Variants in MAF observed in about 807,000 individuals in gnomAD.
The protein encoded by MAF is transcription factor Maf.
MAF carries 10 observed loss-of-function variants against 22.0 expected under a neutral mutation model. The ratio of observed to expected loss-of-function variants is 0.45; its 90% CI spans 0.28 to 0.77. The LOEUF (loss-of-function observed/expected upper bound fraction) is 0.77. MAF is among the 30% of genes least tolerant of loss of function. MAF has a pLI of 0.12. For synonymous variants in MAF, 337 were observed against 255.8 expected (o/e 1.32, Z -3.03); for missense variants, 544 against 548.4 (o/e 0.99, Z 0.08).
chr16:79,267,584 G>A, the MAF span, among the ~76,000 whole-genome samples: 26 of 152,264 alleles, frequency 1.7e-4, no homozygotes, highest in African/African-American at 4.3e-4. Flanking sequence ...AGCTGGTGGC[G>A]GACAGTGCAG....
the MAF span, among the ~76,000 whole-genome samples, chr16:79,242,315 C>G: frequency 6.7e-6 from 1 of 148,276 alleles, no homozygotes; most frequent in Non-Finnish European, 1.5e-5. Context: ...CAAAGACACA[C>G]ATACGCTCAA....
At chr16:79,516,682 A>G in the MAF span, among the ~76,000 whole-genome samples, 1 of 152,180 alleles carries the variant, frequency 6.6e-6, no homozygotes. Context: ...CAATTTTATT[A>G]TTACCATTTG....
the MAF span, among the ~76,000 whole-genome samples, chr16:79,217,306 T>A: frequency 6.6e-6 from 1 of 152,186 alleles, no homozygotes; most frequent in South Asian, 2.1e-4. Flanking sequence ...CCATGGGCCT[T>A]CCACTACACA....
the MAF span, among the ~76,000 whole-genome samples, chr16:79,409,313 G>A: frequency 3.9e-3 from 597 of 152,238 alleles, 6 homozygotes; most frequent in African/African-American, 0.014. Flanking sequence ...AGGAAGTCGC[G>A]CTGTTTTCTT....
the MAF span, among the ~76,000 whole-genome samples, chr16:79,361,810 C>T: frequency 1.3e-5 from 2 of 151,872 alleles, no homozygotes; most frequent in Non-Finnish European, 2.9e-5. Context: ...ATGAAGGAAT[C>T]GAGAAAAAGT....
the MAF span, among the ~76,000 whole-genome samples, chr16:79,438,151 C>T: frequency 6.6e-6 from 1 of 152,134 alleles, no homozygotes; most frequent in African/African-American, 2.4e-5. Context: ...GCAGGAGGTT[C>T]CCACATGCCA....
the MAF span, among the ~76,000 whole-genome samples, chr16:79,371,390 G>A: frequency 6.6e-6 from 1 of 152,300 alleles, no homozygotes; most frequent in East Asian, 1.9e-4. Context: ...AGGGGACACA[G>A]ACGCCTCCTC....
At chr16:79,300,768 G>A in the MAF span, among the ~76,000 whole-genome samples, 2 of 150,892 alleles carry the variant, frequency 1.3e-5, no homozygotes, top group East Asian at 3.9e-4. Flanking sequence ...TTATCTATGT[G>A]TGTATATAGC....
At chr16:79,503,269 A>C in the MAF span, among the ~76,000 whole-genome samples, 2 of 152,288 alleles carry the variant, frequency 1.3e-5, no homozygotes, top group South Asian at 4.1e-4. Flanking sequence ...TTGAGTGTCT[A>C]CACTGCTCCA....
the MAF span, among the ~76,000 whole-genome samples, chr16:79,487,856 G>A: frequency 6.6e-6 from 1 of 152,158 alleles, no homozygotes; most frequent in South Asian, 2.1e-4. Context: ...AAACAGCTCT[G>A]CTTTCATCTC....
chr16:79,235,125 T>C, the MAF span, among the ~76,000 whole-genome samples: 1 of 151,988 alleles, frequency 6.6e-6, no homozygotes, highest in African/African-American at 2.4e-5. Context: ...ATTTTTGGGG[T>C]GGTTTGTTAT....
At chr16:79,408,318 A>G in the MAF span, among the ~76,000 whole-genome samples, 1 of 151,980 alleles carries the variant, frequency 6.6e-6, no homozygotes, top group South Asian at 2.1e-4. Context: ...CTGGGATTAC[A>G]GGTGCCTGCC....
chr16:79,412,992 G>T, the MAF span, among the ~76,000 whole-genome samples: 1 of 152,116 alleles, frequency 6.6e-6, no homozygotes, highest in Non-Finnish European at 1.5e-5. Flanking sequence ...ACAGCTTCCT[G>T]TAAAAACACA....
At chr16:79,488,725 C>T in the MAF span, among the ~76,000 whole-genome samples, 1 of 152,158 alleles carries the variant, frequency 6.6e-6, no homozygotes, top group Non-Finnish European at 1.5e-5. Context: ...TATCCTGTGT[C>T]TTGCTATGTC....
chr16:79,341,994 C>G, the MAF span, among the ~76,000 whole-genome samples: 1 of 152,208 alleles, frequency 6.6e-6, no homozygotes, highest in Non-Finnish European at 1.5e-5. Flanking sequence ...TGAACAACAA[C>G]AAAATTTATG....
At chr16:79,488,336 C>T in the MAF span, among the ~76,000 whole-genome samples, 1 of 152,178 alleles carries the variant, frequency 6.6e-6, no homozygotes, top group Non-Finnish European at 1.5e-5. Flanking sequence ...TAGGTCCTCT[C>T]CTCTCACCCC....
the MAF span, among the ~76,000 whole-genome samples, chr16:79,272,677 T>G: frequency 6.6e-6 from 1 of 152,238 alleles, no homozygotes; most frequent in Non-Finnish European, 1.5e-5. Context: ...TACTCTGAGT[T>G]AAAGCCATTC....
At chr16:79,445,097 A>G in the MAF span, among the ~76,000 whole-genome samples, 1 of 152,130 alleles carries the variant, frequency 6.6e-6, no homozygotes, top group Non-Finnish European at 1.5e-5. Flanking sequence ...GCAGCGGCAC[A>G]ATCTCGGCTC....
chr16:79,215,468 A>G, the MAF span, among the ~76,000 whole-genome samples: 1 of 152,220 alleles, frequency 6.6e-6, no homozygotes, highest in African/African-American at 2.4e-5. Context: ...CACGAGAAAG[A>G]AGATATTGGC....
Sources: gnomAD v4.1 joint callset for allele counts (sites outside exome capture counted in the v4.1 genomes callset) on GRCh38, gnomAD v4.1.1 for gene constraint, MANE v1.5 for transcripts, NCBI Gene and HGNC (gene_info 2026-07-23, HGNC 2026-07-21) for gene names.